CHN2: variants seen among roughly 807,000 people sequenced by gnomAD.
CHN2 encodes the protein beta-chimaerin.
In CHN2, 35 loss-of-function variants were observed where a neutral mutation model predicts 56.3. That is an observed-to-expected ratio of 0.62 (90% CI 0.47 to 0.82). The LOEUF is 0.82. Among genes scored for constraint, CHN2 ranks in the 40% least tolerant of loss-of-function variants. The probability of loss-of-function intolerance (pLI) is 0.00; values close to 1 mark genes in which losing one functional copy is unlikely to be tolerated. For synonymous variants in CHN2, 210 were observed against 212.8 expected (o/e 0.99, Z 0.12); for missense variants, 491 against 580.5 (o/e 0.85, Z 1.58).
chr7:29,480,815 G>A (rs1232047227), intron 7 of CHN2, among the ~76,000 whole-genome samples: 6 of 152,162 alleles, frequency 3.9e-5, no homozygotes, highest in Admixed American at 6.5e-5. Flanking sequence ...TCCTTTATGC[G>A]TAGACACCTG....
intron 1 of CHN2, among the ~76,000 whole-genome samples, chr7:29,349,250 C>T (rs1797697483): frequency 6.6e-6 from 1 of 152,168 alleles, no homozygotes; most frequent in African/African-American, 2.4e-5. Flanking sequence ...TTCTCCTACA[C>T]ATGGCTTTCA....
At chr7:29,192,035 A>G (rs1387967192), upstream of CHN2, 3 of 152,220 alleles carry the variant, frequency 2.0e-5, no homozygotes, top group African/African-American at 7.2e-5. Context: ...AATCCAGATG[A>G]TCAATCAACT....
At chr7:29,473,478 T>TGTGTGTGTGTGTGTG (rs1554299007) in intron 6 of CHN2, among the ~76,000 whole-genome samples, 5 of 111,440 alleles carry the variant, frequency 4.5e-5, no homozygotes, top group Admixed American at 3.7e-4. Flanking sequence ...GTGTTTTTTT[T>TGTGTGTGTGTGTGTG]TTTTTGTGTG....
At chr7:29,150,660 A>G (rs996659110) in intron 2 of CHN2, among the ~76,000 whole-genome samples, 1 of 152,204 alleles carries the variant, frequency 6.6e-6, no homozygotes, top group African/African-American at 2.4e-5. Context: ...TGGAGCTGCA[A>G]TGGAAACAAG....
chr7:29,497,164 A>G lies in CHN2; in HGVS notation c.739+1128A>G, dbSNP rs185926722. ...GGTCTATGTTTAAGGGGTGGTCAAC[A>G]TAGCTCAGAAGCAGCTTCTCCATAA... On this transcript the variant is annotated intron_variant, in intron 8 of 12. Transcript: ENST00000222792. 1.5e-4 allele frequency among the ~76,000 whole-genome samples: 23 copies of G among 152,322 alleles called. No individual in the cohort carries two copies. In the East Asian group the frequency reaches 3.7e-3, roughly 24 times the overall value.
At chr7:29,391,959 G>A (rs1202607033) in intron 3 of CHN2, among the ~76,000 whole-genome samples, 1 of 152,192 alleles carries the variant, frequency 6.6e-6, no homozygotes, top group Non-Finnish European at 1.5e-5. Flanking sequence ...GGCTCATCTG[G>A]GAAGTTAGAT....
chr7:29,317,758 G>A (rs34130965), intron 1 of CHN2, among the ~76,000 whole-genome samples: 37,812 of 152,028 alleles, frequency 0.25, 5,093 homozygotes, highest in Non-Finnish European at 0.31. Flanking sequence ...TGAGGCTGAG[G>A]CAGGTGGATC....
At chr7:29,330,939 C>G (rs1554273820) in intron 1 of CHN2, among the ~76,000 whole-genome samples, 1 of 152,160 alleles carries the variant, frequency 6.6e-6, no homozygotes, top group Non-Finnish European at 1.5e-5. Flanking sequence ...CTAAATTTAA[C>G]CCATTTAAAC....
At chr7:29,432,625 T>C (rs1782931647) in intron 6 of CHN2, among the ~76,000 whole-genome samples, 1 of 152,214 alleles carries the variant, frequency 6.6e-6, no homozygotes, top group South Asian at 2.1e-4. Context: ...TAAATACATA[T>C]GGAAATGTGA....
chr7:29,364,948 C>T (rs529626410), intron 2 of CHN2, among the ~76,000 whole-genome samples: 20 of 152,198 alleles, frequency 1.3e-4, no homozygotes, highest in African/African-American at 4.8e-4. Flanking sequence ...TATTATTTTA[C>T]TCCCTTTCTT....
chr7:29,345,321 A>G (rs2128917323), intron 1 of CHN2, among the ~76,000 whole-genome samples: 1 of 152,354 alleles, frequency 6.6e-6, no homozygotes, highest in Middle Eastern at 3.4e-3. Context: ...AAACGTAAAC[A>G]AAGAAATATA....
At chr7:29,393,056 A>G (rs1801485116) in intron 3 of CHN2, among the ~76,000 whole-genome samples, 1 of 152,226 alleles carries the variant, frequency 6.6e-6, no homozygotes, top group Admixed American at 6.5e-5. Flanking sequence ...CAGATGTGAT[A>G]ACCTCAAGGC....
rs563484574 is a variant in CHN2 at position 29,212,203 on chromosome 7, C to A, written c.49+17213C>A. The A allele has an allele frequency of 5.9e-5, 37 of 630,584 alleles. No homozygotes were observed. The South Asian group carries it at 7.4e-4, about 13-fold the overall frequency. 39.1% of individuals were successfully genotyped at this position (630,584 alleles called of 1,614,324 possible). ...TCTTGATACTTTTGCTTCTGGAAGT[C>A]ATATTTCTCTAACATCTTCCAGAAA... On this transcript the variant is annotated intron_variant, in intron 1 of 12. Transcript: ENST00000222792.
chr7:29,275,890 G>A (rs1791159642), intron 1 of CHN2, among the ~76,000 whole-genome samples: 1 of 152,146 alleles, frequency 6.6e-6, no homozygotes, highest in South Asian at 2.1e-4. Flanking sequence ...GTGCTCTGCA[G>A]GTGACAGAAT....
intron 2 of CHN2, among the ~76,000 whole-genome samples, chr7:29,364,708 G>A (rs780488359): frequency 3.3e-4 from 50 of 152,152 alleles, no homozygotes; most frequent in Non-Finnish European, 2.9e-4. Context: ...TCTTCCTCAC[G>A]TATTAAAAGA....
intron 2 of CHN2, among the ~76,000 whole-genome samples, chr7:29,356,798 C>G (rs1232074349): frequency 6.6e-6 from 1 of 152,134 alleles, no homozygotes; most frequent in African/African-American, 2.4e-5. Context: ...TGACTTAGTA[C>G]TTGGATGTTT....
At chr7:29,418,937 T>TC (rs1278993601) in intron 6 of CHN2, among the ~76,000 whole-genome samples, 1 of 152,196 alleles carries the variant, frequency 6.6e-6, no homozygotes. Context: ...ACATGAATAT[T>TC]CATTAATAAG....
chr7:29,186,988 G>A (rs1423936186), intron 2 of CHN2, among the ~76,000 whole-genome samples: 1 of 152,124 alleles, frequency 6.6e-6, no homozygotes, highest in Non-Finnish European at 1.5e-5. Context: ...GGAAAATGAG[G>A]ATAACAATTC....
At chr7:29,171,405 C>T (rs753563568) in intron 2 of CHN2, among the ~76,000 whole-genome samples, 2 of 152,170 alleles carry the variant, frequency 1.3e-5, no homozygotes, top group African/African-American at 2.4e-5. Context: ...ACGGCATTAG[C>T]CAGTTCAGAG....
Sources: allele counts gnomAD v4.1 joint callset (sites outside exome capture counted in the v4.1 genomes callset), GRCh38; gene constraint gnomAD v4.1.1; transcripts MANE v1.5; gene names NCBI Gene and HGNC (gene_info 2026-07-23, HGNC 2026-07-21).